The following TLN2 variants were observed in gnomAD, a reference collection of about 807,000 sequenced individuals.
The protein encoded by TLN2 is talin-2.
TLN2 carries 118 observed loss-of-function variants against 294.7 expected under a neutral mutation model. That is an observed-to-expected ratio of 0.40 (90% CI 0.34 to 0.47). The LOEUF is 0.47. Among genes scored for constraint, TLN2 ranks in the 20% least tolerant of loss-of-function variants. TLN2 has a pLI of 0.84. For missense variants in TLN2, 3,083 were observed against 3,282.2 expected (o/e 0.94, Z 1.48); for synonymous variants, 1,431 against 1,304.5 (o/e 1.10, Z -2.09).
intron 27 of TLN2, 44 bp downstream of exon 27, chr15:62,725,148 A>T: frequency 6.4e-7 from 1 of 1,568,674 alleles, no homozygotes; most frequent in African/African-American, 1.4e-5. Context: ...ACCTTTTGTT[A>T]TGACGTTATT....
intron 1 of TLN2, among the ~76,000 whole-genome samples, chr15:62,570,903 C>CTG (rs58523803): frequency 0.34 from 48,810 of 143,584 alleles, 8,381 homozygotes; most frequent in Middle Eastern, 0.44. Context: ...GCACAGGCAT[C>CTG]TGTGTGTGTG....
At chr15:62,688,163 T>C (rs2057452540) in intron 12 of TLN2, among the ~76,000 whole-genome samples, 1 of 152,194 alleles carries the variant, frequency 6.6e-6, no homozygotes, top group Non-Finnish European at 1.5e-5. Flanking sequence ...AAATGAATAG[T>C]TATGATAACC....
At chr15:62,552,780 G>A (rs757434048) in intron 1 of TLN2, among the ~76,000 whole-genome samples, 1 of 152,218 alleles carries the variant, frequency 6.6e-6, no homozygotes, top group Admixed American at 6.5e-5. Flanking sequence ...CACACATAAA[G>A]CAATATTATG....
chr15:62,697,592 C>T (rs1361742436), intron 14 of TLN2, 96 bp from the exon 15 acceptor site: 24 of 1,393,942 alleles, frequency 1.7e-5, no homozygotes, highest in East Asian at 2.4e-5. Flanking sequence ...GCCTTCACAG[C>T]ATAAAGCAGG....
chr15:62,533,084 T>C (rs908723632), intron 1 of TLN2, among the ~76,000 whole-genome samples: 1 of 151,664 alleles, frequency 6.6e-6, no homozygotes, highest in African/African-American at 2.4e-5. Context: ...TGAAACCCTG[T>C]CTCTATGAAA....
chr15:62,657,692 G>T, intron 8 of TLN2, 79 bp from the exon 9 acceptor site: 1 of 1,550,898 alleles, frequency 6.4e-7, no homozygotes, highest in Non-Finnish European at 8.7e-7. Flanking sequence ...AGGGTGTACT[G>T]GGCCATGGGA....
intron 1 of TLN2, among the ~76,000 whole-genome samples, chr15:62,575,485 C>A (rs1310661451): frequency 6.6e-6 from 1 of 152,190 alleles, no homozygotes; most frequent in Non-Finnish European, 1.5e-5. Flanking sequence ...TGTTTACTCT[C>A]AATTTCTGTA....
At chr15:62,697,932 C>G (rs965183554) in intron 15 of TLN2, 64 bp downstream of exon 15, 1 of 1,559,176 alleles carries the variant, frequency 6.4e-7, no homozygotes, top group Non-Finnish European at 8.7e-7. Flanking sequence ...AGGGTGGACA[C>G]CAGCGGCGGT....
At chr15:62,656,285 G>A (rs1004279124) in intron 8 of TLN2, among the ~76,000 whole-genome samples, 199 bp downstream of exon 8, 2 of 152,184 alleles carry the variant, frequency 1.3e-5, no homozygotes, top group East Asian at 1.9e-4. Context: ...ACCATCCGGA[G>A]TAGGGCCTCC....
At chr15:62,613,627 C>T (rs564170084) in intron 2 of TLN2, among the ~76,000 whole-genome samples, 7 of 152,244 alleles carry the variant, frequency 4.6e-5, no homozygotes, top group Admixed American at 2.0e-4. Context: ...TTCACATGAA[C>T]GTCAAAGGCA....
At chr15:62,505,019 C>T (rs1567039194) in intron 1 of TLN2, among the ~76,000 whole-genome samples, 1 of 152,162 alleles carries the variant, frequency 6.6e-6, no homozygotes, top group African/African-American at 2.4e-5. Context: ...TGTAGTGGCG[C>T]GATCTCAGCT....
chr15:62,616,555 A>G (rs1229136921), intron 2 of TLN2, among the ~76,000 whole-genome samples: 1 of 152,054 alleles, frequency 6.6e-6, no homozygotes, highest in East Asian at 1.9e-4. Flanking sequence ...CAGCCTCCCA[A>G]TGTGCTGAGA....
At chr15:62,667,245 C>T (rs555831373) in intron 9 of TLN2, among the ~76,000 whole-genome samples, 32 of 152,288 alleles carry the variant, frequency 2.1e-4, no homozygotes, top group South Asian at 1.5e-3. Context: ...GGATTACAGG[C>T]GTGAGCCACC....
At chr15:62,572,741 C>T (rs1167148851) in intron 1 of TLN2, among the ~76,000 whole-genome samples, 1 of 152,234 alleles carries the variant, frequency 6.6e-6, no homozygotes, top group Non-Finnish European at 1.5e-5. Context: ...TGCTGTTGCC[C>T]CTGCAGGCCT....
At chr15:62,692,632 C>T (rs1461640726) in intron 12 of TLN2, among the ~76,000 whole-genome samples, 2 of 152,078 alleles carry the variant, frequency 1.3e-5, no homozygotes, top group Non-Finnish European at 2.9e-5. Context: ...AGTTCTGAGC[C>T]CCCCAGCCAG....
chr15:62,694,893 C>T (rs1353698726), intron 14 of TLN2, among the ~76,000 whole-genome samples: 1 of 152,154 alleles, frequency 6.6e-6, no homozygotes, highest in African/African-American at 2.4e-5. Context: ...TCTGGGGTCT[C>T]TGTTTCACTG....
At chr15:62,417,412 C>A (rs2034146509) in intron 1 of TLN2, among the ~76,000 whole-genome samples, 2 of 152,152 alleles carry the variant, frequency 1.3e-5, no homozygotes, top group African/African-American at 4.8e-5. Flanking sequence ...ATTATGCTTC[C>A]TCTCATGCCA....
At chr15:62,613,353 C>T (rs2048066708) in intron 2 of TLN2, among the ~76,000 whole-genome samples, 1 of 152,166 alleles carries the variant, frequency 6.6e-6, no homozygotes, top group South Asian at 2.1e-4. Flanking sequence ...CAACTTCTGT[C>T]CAGTTCCTAG....
At chr15:62,504,980 G>A (rs1026685971) in intron 1 of TLN2, among the ~76,000 whole-genome samples, 5 of 151,954 alleles carry the variant, frequency 3.3e-5, no homozygotes, top group African/African-American at 4.8e-5. Flanking sequence ...GTTTTGAGAC[G>A]GAGTCTCACT....
Sources: gnomAD v4.1 joint callset for allele counts (sites outside exome capture counted in the v4.1 genomes callset) on GRCh38, gnomAD v4.1.1 for gene constraint, MANE v1.5 for transcripts, NCBI Gene and HGNC (gene_info 2026-07-23, HGNC 2026-07-21) for gene names.